Variants in LRRC28 observed in about 807,000 individuals in gnomAD.
LRRC28 encodes the protein leucine rich repeat containing 28.
In LRRC28, 39 loss-of-function variants were observed where a neutral mutation model predicts 45.7. The observed-to-expected ratio is 0.85, with a 90% CI of 0.66 to 1.12. The LOEUF (loss-of-function observed/expected upper bound fraction) is 1.12, where lower values mean the gene tolerates loss of function less well. Among genes scored for constraint, LRRC28 ranks in the 50% most tolerant of loss-of-function variants. The pLI is 0.00. For synonymous variants in LRRC28, 206 were observed against 178.8 expected (o/e 1.15, Z -1.22); for missense variants, 435 against 438.5 (o/e 0.99, Z 0.07).
At chr15:99,273,161 TCA>T (rs2081525824) in intron 2 of LRRC28, among the ~76,000 whole-genome samples, 1 of 152,244 alleles carries the variant, frequency 6.6e-6, no homozygotes, top group Non-Finnish European at 1.5e-5. Flanking sequence ...TAGGTGTCAG[TCA>T]CAGCCTGTGC....
chr15:99,379,146 A>T (rs540408223), intron 9 of LRRC28, among the ~76,000 whole-genome samples: 172 of 152,210 alleles, frequency 1.1e-3, no homozygotes, highest in African/African-American at 3.2e-3. Context: ...GGTAGAATTC[A>T]GCTGTGAATT....
chr15:99,251,601 C>T (rs1664160883), intron 1 of LRRC28, 60 bp downstream of exon 1: 1 of 152,350 alleles, frequency 6.6e-6, no homozygotes, highest in African/African-American at 2.4e-5. Context: ...TGACCCGGCC[C>T]CCCGGCGGGG....
intron 9 of LRRC28, among the ~76,000 whole-genome samples, chr15:99,378,783 A>T (rs1413888123): frequency 2.0e-5 from 3 of 152,232 alleles, no homozygotes; most frequent in Non-Finnish European, 4.4e-5. Flanking sequence ...CCTTTTCTGC[A>T]TCTATTGAGA....
intron 3 of LRRC28, among the ~76,000 whole-genome samples, chr15:99,278,104 T>C (rs1006156395): frequency 4.6e-5 from 7 of 152,256 alleles, no homozygotes; most frequent in African/African-American, 7.2e-5. Flanking sequence ...TATACTCTTA[T>C]GTTGGAAAAT....
intron 6 of LRRC28, among the ~76,000 whole-genome samples, chr15:99,349,932 C>T (rs1347985833): frequency 6.6e-6 from 1 of 151,242 alleles, no homozygotes; most frequent in Non-Finnish European, 1.5e-5. Context: ...GTCAGGAGAT[C>T]GAGACCATCC....
intron 6 of LRRC28, among the ~76,000 whole-genome samples, chr15:99,344,154 T>G (rs1235924038): frequency 1.3e-5 from 2 of 152,212 alleles, no homozygotes; most frequent in African/African-American, 4.8e-5. Flanking sequence ...AAGACTAAGA[T>G]GTATCGAGTA....
chr15:99,374,819 C>A (rs113831424), intron 9 of LRRC28, among the ~76,000 whole-genome samples: 18,635 of 151,876 alleles, frequency 0.12, 1,366 homozygotes, highest in East Asian at 0.3. Context: ...AGGCGCCCAC[C>A]ACCACGCCTG....
intron 6 of LRRC28, among the ~76,000 whole-genome samples, chr15:99,334,402 A>AGTGTGTGTGTGTGTGTGTGT (rs57298947): frequency 2.1e-5 from 3 of 144,604 alleles, no homozygotes; most frequent in African/African-American, 7.7e-5. Context: ...GGAATTAAAG[A>AGTGTGTGTGTGTGTGTGTGT]GTGTGTGTGT....
intron 5 of LRRC28, among the ~76,000 whole-genome samples, chr15:99,319,499 GTTATA>G (rs201099320): frequency 0.02 from 3,003 of 152,214 alleles, 80 homozygotes; most frequent in Non-Finnish European, 0.023. Context: ...CTAGCAGTTA[GTTATA>G]TTATAATTGT....
chr15:99,319,684 T>C (rs1203649066), intron 5 of LRRC28, among the ~76,000 whole-genome samples: 1 of 152,146 alleles, frequency 6.6e-6, no homozygotes, highest in South Asian at 2.1e-4. Flanking sequence ...TTACTGTCTT[T>C]AACATTTAAA....
At chr15:99,307,096 A>C (rs796461181) in intron 5 of LRRC28, among the ~76,000 whole-genome samples, 2 of 152,312 alleles carry the variant, frequency 1.3e-5, no homozygotes, top group African/African-American at 4.8e-5. Flanking sequence ...ACTGTATGTA[A>C]ACACTGGGGG....
chr15:99,309,756 T>C (rs1244432074), intron 5 of LRRC28, among the ~76,000 whole-genome samples: 2 of 152,196 alleles, frequency 1.3e-5, no homozygotes, highest in African/African-American at 2.4e-5. Context: ...CAATTTCTTA[T>C]CTTAGGACTT....
At chr15:99,334,402 AGTGTGTGTGTGT>A (rs57298947) in intron 6 of LRRC28, among the ~76,000 whole-genome samples, 17 of 144,696 alleles carry the variant, frequency 1.2e-4, no homozygotes, top group South Asian at 4.5e-4. Flanking sequence ...GGAATTAAAG[AGTGTGTGTGTGT>A]GTGTGTGTGT....
intron 2 of LRRC28, chr15:99,259,382 A>G: frequency 6.4e-7 from 1 of 1,555,248 alleles, no homozygotes; most frequent in South Asian, 1.1e-5. Flanking sequence ...GAGGTTCCAG[A>G]ATGTTGCCAA....
chr15:99,378,169 CCATGAG>C (rs1957702307), intron 9 of LRRC28, among the ~76,000 whole-genome samples: 1 of 152,164 alleles, frequency 6.6e-6, no homozygotes, highest in Non-Finnish European at 1.5e-5. Context: ...TTCTTCCTAT[CCATGAG>C]CATGGAATAT....
chr15:99,308,559 C>G (rs770850333), intron 5 of LRRC28, among the ~76,000 whole-genome samples: 1 of 152,156 alleles, frequency 6.6e-6, no homozygotes, highest in African/African-American at 2.4e-5. Flanking sequence ...GTAGTCCCAA[C>G]TGCTTCGGAG....
At chr15:99,352,277 C>T (rs551776888) in intron 6 of LRRC28, 92 bp from the exon 7 acceptor site, 138 of 855,214 alleles carry the variant, frequency 1.6e-4, no homozygotes, top group East Asian at 3.8e-4. Context: ...TAGAAATCTT[C>T]GAATATTTCT....
At chr15:99,328,923 T>G (rs554637845) in intron 5 of LRRC28, among the ~76,000 whole-genome samples, 2 of 152,006 alleles carry the variant, frequency 1.3e-5, no homozygotes, top group East Asian at 1.9e-4. Flanking sequence ...TGAGCCACAC[T>G]GTAGATATCC....
At chr15:99,348,405 G>T (rs1233893706) in intron 6 of LRRC28, among the ~76,000 whole-genome samples, 1 of 152,084 alleles carries the variant, frequency 6.6e-6, no homozygotes, top group African/African-American at 2.4e-5. Context: ...ATGGTTTCAG[G>T]TCCTATATTT....
Sources: allele counts gnomAD v4.1 joint callset (sites outside exome capture counted in the v4.1 genomes callset), GRCh38; gene constraint gnomAD v4.1.1; transcripts MANE v1.5; gene names NCBI Gene and HGNC (gene_info 2026-07-23, HGNC 2026-07-21).